Variants in SULT4A1 observed in about 807,000 individuals in gnomAD.
SULT4A1 encodes the protein sulfotransferase family 4A member 1.
A neutral mutation model predicts 35.2 loss-of-function variants in SULT4A1; 11 were observed. The ratio of observed to expected loss-of-function variants is 0.31; its 90% confidence interval spans 0.20 to 0.52. SULT4A1 has a LOEUF of 0.52. Ranked by LOEUF, SULT4A1 falls within the 20% of genes least tolerant of loss-of-function variation. The pLI, the probability that SULT4A1 is intolerant of heterozygous loss-of-function variation, is 0.97. For synonymous variants in SULT4A1, 152 were observed against 151.8 expected (o/e 1.00, Z -0.01); for missense variants, 271 against 383.7 (o/e 0.71, Z 2.45).
chr22:43,838,888 G>C lies in SULT4A1; in HGVS notation c.487C>G (p.Arg163Gly). Residue 163 changes from arginine (R) to glycine (G), a missense_variant, in exon 4 of 7, where the codon CGG becomes GGG. Physicochemically the swap from Arg to Gly is moderately radical, Grantham distance 125. This residue lies in a region of SULT4A1 where 164 missense variants were observed against 254.1 expected (regional missense o/e 0.65). Transcript: ENST00000330884. Reference protein sequence around the residue: ...SYRGTFQEFCRRFMNDKLGYG... With the variant: ...SYRGTFQEFCGRFMNDKLGYG... ...TCACGCTTATCATTCATAAACCTCC[G>C]GCAGAATTCTTGAAAGGTGCCTCGG... The C allele has an allele frequency of 6.2e-7, 1 of 1,614,122 alleles. No individual in the cohort carries two copies. The highest frequency in any genetic ancestry group is 8.5e-7 in the Non-Finnish European group (1 of 1,179,998).
Position 43,833,673 on chromosome 22 carries a change from G to A in SULT4A1, c.570C>T (p.Asn190=), listed in dbSNP as rs200573111. The change falls in exon 5 of 7, where the codon AAC becomes AAT. Residue 190 remains asparagine, a synonymous_variant. Coordinates refer to ENST00000330884, the MANE Select transcript of SULT4A1 (RefSeq NM_014351.4). ...TGTCTTCATACTTGAGAAAAAGCAC[G>A]TTCGAGTCCATGCGGTGCTCCCAGA... is the stretch of plus-strand genomic sequence containing the variant. The part of the protein sequence containing the change: ...QEFWEHRMDS[N]VLFLKYEDMH... 10 of 1,595,614 alleles carry A rather than the reference G, an allele frequency of 6.3e-6. No homozygotes were observed. The highest frequency in any genetic ancestry group is 1.7e-4 in the Middle Eastern group (1 of 6,036).
At chr22:43,848,210 C>T (rs2063488541) in intron 1 of SULT4A1, among the ~76,000 whole-genome samples, 1 of 152,168 alleles carries the variant, frequency 6.6e-6, no homozygotes. Flanking sequence ...TGGTGATGCC[C>T]CTCCCTTCTT....
intron 1 of SULT4A1, among the ~76,000 whole-genome samples, chr22:43,844,212 G>A (rs1025614340): frequency 2.0e-5 from 3 of 152,192 alleles, no homozygotes; most frequent in Non-Finnish European, 2.9e-5. Context: ...CAATTAAAAA[G>A]AGACAAATCA....
At chr22:43,831,012 G>A (rs1335551244) in intron 5 of SULT4A1, among the ~76,000 whole-genome samples, 4 of 152,208 alleles carry the variant, frequency 2.6e-5, no homozygotes, top group Non-Finnish European at 5.9e-5. Flanking sequence ...GCGAAACGCT[G>A]ACTGTCCCAG....
In SULT4A1 at chr22:43,829,111, GGCAGTGCTCC is replaced by G; in HGVS notation, c.681_690del (p.Glu228ThrfsTer31). On this transcript the variant is annotated frameshift_variant, in exon 6 of 7. Transcript: ENST00000330884. LOFTEE classifies it high-confidence loss of function. ...TTGCAGCACTGGTCCACCAGCTGGT[GGCAGTGCTCC>G]GTCAGGGCTTCCAGCTGGGCCTTGT... 6.4e-7 allele frequency: 1 copy of G among 1,554,536 alleles called. No individual in the cohort carries two copies. The highest frequency in any genetic ancestry group is 8.7e-7 in the Non-Finnish European group (1 of 1,148,938).
Position 43,825,831 on chromosome 22 carries a change from T to C in SULT4A1, c.*170A>G. On this transcript the variant is annotated 3_prime_UTR_variant, in exon 7 of 7. Coordinates refer to ENST00000330884, the MANE Select transcript of SULT4A1 (RefSeq NM_014351.4). ...CACGTTCTAAAGGCGAGACAGCTGC[T>C]TTCGGTTGGGAATCATCACACTCCC... 1.6e-6 allele frequency: 1 copy of C among 636,084 alleles called. No individual in the cohort carries two copies. Among genetic ancestry groups the C allele is most frequent in the Non-Finnish European group, 2.7e-6 (1 of 370,522 alleles). 39.4% of individuals were successfully genotyped at this position (636,084 alleles called of 1,614,324 possible). A position where few individuals can be genotyped will look rare whatever the true frequency, so the allele number is the denominator to read the frequency against.
At position 43,838,785 on chromosome 22, in the gene SULT4A1, G is replaced by A. The variant is rs538462200; in HGVS notation, c.508+82C>T. 40 of 1,580,440 alleles carry A rather than the reference G, an allele frequency of 2.5e-5. No homozygotes were observed. In the African/African-American group the frequency reaches 2.6e-4, roughly 10 times the overall value. On this transcript the variant is annotated intron_variant, in intron 4 of 6. Transcript: ENST00000330884. ...CACTGTCAGAACTGGAGACCGTGTC[G>A]GGGAAGCACCCAGCACCTGCCAGGC... is the stretch of plus-strand genomic sequence containing the variant.
intron 6 of SULT4A1, chr22:43,827,330 C>A: frequency 1.0e-6 from 1 of 985,396 alleles, no homozygotes; most frequent in Non-Finnish European, 1.2e-6. Context: ...CAACGTAACA[C>A]GGACTTTCTC....
At chr22:43,829,259 G>A (rs1172676104) in intron 5 of SULT4A1, 61 bp from the exon 6 acceptor site, 14 of 1,455,128 alleles carry the variant, frequency 9.6e-6, no homozygotes, top group Admixed American at 7.9e-5. Context: ...TACTGGACAC[G>A]ACCCCAGGCT....
chr22:43,859,908 C>G (rs907582635), intron 1 of SULT4A1, among the ~76,000 whole-genome samples: 2 of 152,214 alleles, frequency 1.3e-5, no homozygotes, highest in Non-Finnish European at 2.9e-5. Context: ...GAGGGTCCTA[C>G]GCTGGAGAGC....
chr22:43,826,308 C>G, intron 6 of SULT4A1, 195 bp from the exon 7 acceptor site: 1 of 985,384 alleles, frequency 1.0e-6, no homozygotes, highest in South Asian at 4.7e-5. Flanking sequence ...CTACTGGATG[C>G]GGCAGAACAT....
chr22:43,845,860 G>A (rs981281511), intron 1 of SULT4A1, among the ~76,000 whole-genome samples: 1 of 152,160 alleles, frequency 6.6e-6, no homozygotes, highest in Admixed American at 6.5e-5. Flanking sequence ...ACTAAACCCC[G>A]ATGATCTGAG....
chr22:43,827,785 G>A, intron 6 of SULT4A1: 1 of 223,568 alleles, frequency 4.5e-6, no homozygotes, highest in South Asian at 5.4e-5. Context: ...ACACACACGT[G>A]AACCAAAAGG....
rs2063281852 is a variant in SULT4A1, at chr22:43,825,677, AT to A, written c.*323del. 6 of 77,094 alleles carry A rather than the reference AT, an allele frequency of 7.8e-5. No individual in the cohort carries two copies. The highest frequency in any genetic ancestry group is 1.4e-4 in the Non-Finnish European group (6 of 43,984). 4.8% of individuals were successfully genotyped at this position (77,094 alleles called of 1,614,324 possible). A position where few individuals can be genotyped will look rare whatever the true frequency, so the allele number is the denominator to read the frequency against. On this transcript the variant is annotated 3_prime_UTR_variant, in exon 7 of 7. Transcript: ENST00000330884. ...ATGTAGATTTCCAGTGAAAAGCTCT[AT>A]AAAATACAATAATACGGGGTTGAAA...
At chr22:43,831,497 C>T (rs2063325758) in intron 5 of SULT4A1, among the ~76,000 whole-genome samples, 1 of 152,184 alleles carries the variant, frequency 6.6e-6, no homozygotes, top group Non-Finnish European at 1.5e-5. Flanking sequence ...TGCTGACGTC[C>T]ACCAAGACTC....
rs1169633486 is a variant in SULT4A1 at position 43,838,943 on chromosome 22, CTGA to C, written c.429_431del (p.Tyr143_Gln144delinsTer). 1 of 1,614,214 alleles carries C rather than the reference CTGA, an allele frequency of 6.2e-7. No individual in the cohort carries two copies. The highest frequency in any genetic ancestry group is 1.1e-5 in the South Asian group (1 of 91,080). The stretch of plus-strand genomic sequence containing the variant: ...TCATGGTCCGCAGAGAGCGGTGGAA[CTGA>C]TAATAAGACACCACCAGATCCTTGG... On this transcript the variant is annotated stop_gained and inframe_deletion, in exon 4 of 7. Transcript: ENST00000330884.
At chr22:43,835,672 G>C (rs1338859739) in intron 4 of SULT4A1, among the ~76,000 whole-genome samples, 1 of 152,132 alleles carries the variant, frequency 6.6e-6, no homozygotes, top group South Asian at 2.1e-4. Context: ...TGAGTCCCTG[G>C]GGCAGAAGGA....
chr22:43,826,788 G>A, intron 6 of SULT4A1: 1 of 985,412 alleles, frequency 1.0e-6, no homozygotes, highest in East Asian at 1.1e-4. Flanking sequence ...CAGACTAGAT[G>A]CAAAACATGC....
intron 6 of SULT4A1, chr22:43,826,851 C>T: frequency 3.0e-6 from 3 of 985,440 alleles, no homozygotes; most frequent in Non-Finnish European, 3.6e-6. Context: ...GGCACAGCCC[C>T]CAGCTGCTCT....
Sources: gnomAD v4.1 joint callset for allele counts (sites outside exome capture counted in the v4.1 genomes callset) on GRCh38, gnomAD v4.1.1 for gene constraint, gnomAD v4.1.1 regional missense constraint, MANE v1.5 for transcripts, NCBI Gene and HGNC (gene_info 2026-07-23, HGNC 2026-07-21) for gene names.